Variants in GNAO1 observed in about 807,000 individuals in gnomAD.
GNAO1 encodes G protein subunit alpha o1, also known as guanine nucleotide-binding protein G(o) subunit alpha.
For missense variants in GNAO1, 166 were observed against 478.7 expected, an observed-to-expected ratio of 0.35 and a Z score of 6.10; for synonymous variants, 164 against 180.7, an observed-to-expected ratio of 0.91 and a Z score of 0.74.
chr16:56,285,196 AG>A (rs1181624966), intron 3 of GNAO1, among the ~76,000 whole-genome samples: 1 of 152,270 alleles, frequency 6.6e-6, no homozygotes, highest in Admixed American at 6.5e-5. Context: ...GAAAACTGCA[AG>A]CGGTGATGCC....
intron 6 of GNAO1, among the ~76,000 whole-genome samples, chr16:56,350,462 A>G (rs2037909918): frequency 6.6e-6 from 1 of 152,208 alleles, no homozygotes; most frequent in Non-Finnish European, 1.5e-5. Flanking sequence ...GCCCAAGTGA[A>G]TGAGCTCAGC....
chr16:56,333,109 T>C (rs1172658029), intron 4 of GNAO1, among the ~76,000 whole-genome samples: 2 of 152,178 alleles, frequency 1.3e-5, no homozygotes, highest in African/African-American at 4.8e-5. Flanking sequence ...AAATTTTTTT[T>C]CTGGATTTTT....
chr16:56,228,865 G>A (rs569826894), intron 2 of GNAO1, among the ~76,000 whole-genome samples: 14 of 152,192 alleles, frequency 9.2e-5, no homozygotes, highest in African/African-American at 2.4e-5. Flanking sequence ...TTAAAAGTGC[G>A]TAGTGCTACT....
chr16:56,213,249 C>G lies in GNAO1; in HGVS notation c.161+20633C>G, dbSNP rs532756144. ...CCATCGAGGTTATTCTTTCTTTCTT[C>G]TTTTTTTTTTCCCACTCTGCAGATA... On this transcript the variant is annotated intron_variant, in intron 2 of 8. Coordinates refer to ENST00000262493, the MANE Select transcript of GNAO1 (RefSeq NM_020988.3). 23 of 356,392 alleles carry G rather than the reference C, an allele frequency of 6.5e-5. 1 individual carries two copies. The highest frequency in any genetic ancestry group is 3.3e-4 in the East Asian group (8 of 24,602). The allele number at this position is 356,392 out of a possible 1,614,324, so 22.1% of individuals were successfully genotyped here. A position where few individuals can be genotyped will look rare whatever the true frequency, so the allele number is the denominator to read the frequency against.
chr16:56,287,520 C>T (rs563686360), intron 3 of GNAO1, among the ~76,000 whole-genome samples: 1 of 152,334 alleles, frequency 6.6e-6, no homozygotes, highest in South Asian at 2.1e-4. Flanking sequence ...AGCAAGGTGC[C>T]TGGCACCAAG....
At chr16:56,229,673 C>A (rs2036569915) in intron 2 of GNAO1, among the ~76,000 whole-genome samples, 2 of 152,210 alleles carry the variant, frequency 1.3e-5, no homozygotes, top group South Asian at 4.1e-4. Flanking sequence ...AGAATTTAAT[C>A]TTCACAATAA....
chr16:56,208,295 T>A (rs151328656), intron 2 of GNAO1, among the ~76,000 whole-genome samples: 1,932 of 152,258 alleles, frequency 0.013, 20 homozygotes, highest in Admixed American at 0.016. Flanking sequence ...TTCACCTCAT[T>A]GCTATATAGT....
intron 2 of GNAO1, among the ~76,000 whole-genome samples, chr16:56,213,920 T>G (rs1243864676): frequency 1.3e-5 from 2 of 151,872 alleles, no homozygotes; most frequent in Non-Finnish European, 2.9e-5. Context: ...GGGAAAGAAA[T>G]CCCCATCACA....
At chr16:56,305,048 CT>C (rs1365412697) in intron 3 of GNAO1, among the ~76,000 whole-genome samples, 1 of 152,224 alleles carries the variant, frequency 6.6e-6, no homozygotes, top group African/African-American at 2.4e-5. Context: ...CAGCCTGGCT[CT>C]CTTGGATCTC....
intron 2 of GNAO1, among the ~76,000 whole-genome samples, chr16:56,247,210 C>T (rs1158229902): frequency 1.3e-5 from 2 of 152,242 alleles, no homozygotes; most frequent in East Asian, 3.9e-4. Flanking sequence ...CAGAACAGAA[C>T]TGCGCTAGCC....
At chr16:56,207,518 C>G (rs537037084) in intron 2 of GNAO1, among the ~76,000 whole-genome samples, 1 of 152,330 alleles carries the variant, frequency 6.6e-6, no homozygotes, top group East Asian at 1.9e-4. Flanking sequence ...CTCTTTCCAT[C>G]ACACCACTCA....
Position 56,316,549 on chromosome 16 carries a change from G to A in GNAO1, c.304-12082G>A, listed in dbSNP as rs575103017. Among the ~76,000 whole-genome samples the A allele has an allele frequency of 5.9e-5, 9 of 152,286 alleles. No individual in the cohort carries two copies. The South Asian group carries it at 1.2e-3, about 21-fold the overall frequency. On this transcript the variant is annotated intron_variant, in intron 3 of 8. Transcript: ENST00000262493. ...GTGCCTCCAGGACCCACTCTTGCCC[G>A]TCAAGGCCCTCAGTGTTGCCTGGGT... is the stretch of plus-strand genomic sequence containing the variant.
intron 3 of GNAO1, among the ~76,000 whole-genome samples, chr16:56,284,128 T>G (rs1416177169): frequency 6.6e-6 from 1 of 152,206 alleles, no homozygotes; most frequent in Non-Finnish European, 1.5e-5. Context: ...AATTACTTAT[T>G]ACTTACAAAT....
chr16:56,276,099 C>A, intron 3 of GNAO1, 27 bp downstream of exon 3: 1 of 1,596,448 alleles, frequency 6.3e-7, no homozygotes, highest in South Asian at 1.1e-5. Flanking sequence ...ATAAGCACAG[C>A]AACAAGAGGT....
chr16:56,337,664 G>A (rs1260303998), intron 6 of GNAO1, among the ~76,000 whole-genome samples: 1 of 152,236 alleles, frequency 6.6e-6, no homozygotes, highest in Non-Finnish European at 1.5e-5. Context: ...CCTGCCTGTG[G>A]GGGGCTGTTG....
At chr16:56,203,944 G>T (rs2036303126) in intron 2 of GNAO1, among the ~76,000 whole-genome samples, 1 of 152,184 alleles carries the variant, frequency 6.6e-6, no homozygotes, top group African/African-American at 2.4e-5. Flanking sequence ...TTTCTAAGGG[G>T]TATATAGGGT....
At chr16:56,346,429 G>A in intron 6 of GNAO1, 10 of 985,428 alleles carry the variant, frequency 1.0e-5, no homozygotes, top group Non-Finnish European at 1.1e-5. Flanking sequence ...TTTCTACGAA[G>A]AGCGTCTTTG....
intron 2 of GNAO1, among the ~76,000 whole-genome samples, chr16:56,220,656 C>A (rs1465924142): frequency 2.0e-5 from 3 of 152,202 alleles, no homozygotes; most frequent in Non-Finnish European, 4.4e-5. Context: ...ATCTCTAATG[C>A]AACAGTATTT....
At chr16:56,325,247 C>T (rs1484867809) in intron 3 of GNAO1, among the ~76,000 whole-genome samples, 3 of 152,192 alleles carry the variant, frequency 2.0e-5, no homozygotes, top group Non-Finnish European at 2.9e-5. Context: ...GAGGCCAAGG[C>T]GGGTGGATCA....
Sources: gnomAD v4.1 joint callset for allele counts (sites outside exome capture counted in the v4.1 genomes callset) on GRCh38, gnomAD v4.1.1 for gene constraint, MANE v1.5 for transcripts, NCBI Gene and HGNC (gene_info 2026-07-23, HGNC 2026-07-21) for gene names.